Variants in ECT2L observed in about 807,000 individuals in gnomAD.
ECT2L encodes epithelial cell-transforming sequence 2 oncogene-like.
Under a neutral mutation model 122.8 loss-of-function variants are expected in ECT2L, and 126 were observed. The observed-to-expected ratio is 1.03, with a 90% CI of 0.89 to 1.19. The LOEUF is 1.19. ECT2L is among the 50% of genes most tolerant of loss of function. The pLI is 0.00. For synonymous variants in ECT2L, 385 were observed against 381.8 expected, an observed-to-expected ratio of 1.01 and a Z score of -0.10; for missense variants, 1,012 against 1,064.1, an observed-to-expected ratio of 0.95 and a Z score of 0.68.
chr6:138,882,963 C>T, intron 16 of ECT2L, 92 bp downstream of exon 16: 1 of 1,327,492 alleles, frequency 7.5e-7, no homozygotes, highest in Non-Finnish European at 1.0e-6. Flanking sequence ...ATAAGAAAGG[C>T]TTCTCTGCTC....
chr6:138,886,953 A>C, intron 19 of ECT2L, 31 bp downstream of exon 19: 773 of 1,534,198 alleles, frequency 5.0e-4, no homozygotes, highest in Non-Finnish European at 6.5e-4. Context: ...GCTGTATCTC[A>C]TGCTCATGAA....
chr6:138,816,868 A>G (rs554233166), intron 4 of ECT2L, among the ~76,000 whole-genome samples: 1 of 152,322 alleles, frequency 6.6e-6, no homozygotes, highest in South Asian at 2.1e-4. Flanking sequence ...GTACATTCAC[A>G]GAGTTGTGTG....
chr6:138,801,969 C>T (rs181340701), intron 1 of ECT2L, among the ~76,000 whole-genome samples: 4 of 152,288 alleles, frequency 2.6e-5, no homozygotes, highest in East Asian at 1.9e-4. Context: ...TGCTAAACCC[C>T]GGTTCTGATG....
chr6:138,873,170 T>C (rs974214326), intron 13 of ECT2L, among the ~76,000 whole-genome samples: 8 of 152,176 alleles, frequency 5.3e-5, no homozygotes, highest in African/African-American at 1.9e-4. Flanking sequence ...TATTGCTACA[T>C]TGTCTGCCTG....
intron 20 of ECT2L, among the ~76,000 whole-genome samples, chr6:138,898,346 TGAAA>T (rs1168388071): frequency 1.3e-5 from 2 of 152,218 alleles, no homozygotes; most frequent in African/African-American, 4.8e-5. Flanking sequence ...AGAAAATGTT[TGAAA>T]GAAAGAGCTA....
intron 13 of ECT2L, among the ~76,000 whole-genome samples, chr6:138,870,969 G>A (rs1260200955): frequency 6.6e-6 from 1 of 152,116 alleles, no homozygotes; most frequent in African/African-American, 2.4e-5. Flanking sequence ...TTGAACCCGG[G>A]GAGGTTCAGT....
rs181312152 is a variant in ECT2L, at chr6:138,892,346, G to A, written c.2414+3315G>A. On this transcript the variant is annotated intron_variant, in intron 20 of 21. Coordinates refer to ENST00000541398, the MANE Select transcript of ECT2L (RefSeq NM_001077706.3). ...CTTCTTACATTACCTGTCTGTTCTT[G>A]CACGTTGTCTACTTTTTCCATTAAA... Among the ~76,000 whole-genome samples, 3 of 152,110 alleles carry A rather than the reference G, an allele frequency of 2.0e-5. No individual in the cohort carries two copies. The East Asian group carries it at 5.8e-4, about 29-fold the overall frequency.
In ECT2L at chr6:138,813,224, A is replaced by G. The variant is rs1419783018; in HGVS notation, c.-51A>G. 6.9e-7 allele frequency: 1 copy of G among 1,446,782 alleles called. No individual in the cohort carries two copies. Among genetic ancestry groups the G allele is most frequent in the East Asian group, 2.3e-5 (1 of 44,040 alleles). 89.6% of individuals were successfully genotyped at this position (1,446,782 alleles called of 1,614,324 possible). A position where few individuals can be genotyped will look rare whatever the true frequency, so the allele number is the denominator to read the frequency against. On this transcript the variant is annotated 5_prime_UTR_variant, in exon 3 of 22. Coordinates refer to ENST00000541398, the MANE Select transcript of ECT2L (RefSeq NM_001077706.3). ...TAAACCTGTAGTTTCTAGAAGTGGA[A>G]GAAAATTTGCTGAGACGTCAGCTGG...
intron 1 of ECT2L, among the ~76,000 whole-genome samples, chr6:138,800,377 A>C (rs1489157200): frequency 1.3e-5 from 2 of 152,234 alleles, no homozygotes; most frequent in Non-Finnish European, 2.9e-5. Context: ...AAAATGGTTG[A>C]GAGTTTGGTT....
intron 20 of ECT2L, among the ~76,000 whole-genome samples, chr6:138,892,635 A>G (rs748133546): frequency 1.3e-5 from 2 of 152,124 alleles, no homozygotes; most frequent in Non-Finnish European, 2.9e-5. Flanking sequence ...CTGGGATTAC[A>G]GGCACGTGCC....
At chr6:138,844,671 G>A (rs1334373601) in intron 7 of ECT2L, 91 bp downstream of exon 7, 1 of 1,203,612 alleles carries the variant, frequency 8.3e-7, no homozygotes, top group East Asian at 2.5e-5. Flanking sequence ...CAGAAATCTT[G>A]TGTAATTCTG....
In ECT2L at chr6:138,882,843, AC is replaced by A; in HGVS notation, c.2003del (p.Pro668LeufsTer4). ...LNTYTNFFNN[Y>X]PVILKTIEKC... ...ACATATACCAATTTCTTCAACAATTACCCTGTCATTCTGAAAACTATTGAGA... is the reference window on the plus strand; with the variant it reads ...ACATATACCAATTTCTTCAACAATTACCTGTCATTCTGAAAACTATTGAGA... On this transcript the variant is annotated frameshift_variant, in exon 16 of 22. Coordinates refer to ENST00000541398, the MANE Select transcript of ECT2L (RefSeq NM_001077706.3). LOFTEE classifies it high-confidence loss of function. 1 of 1,614,166 alleles carries A rather than the reference AC, an allele frequency of 6.2e-7. No individual in the cohort carries two copies. Among genetic ancestry groups the A allele is most frequent in the Admixed American group, 1.7e-5 (1 of 60,014 alleles).
chr6:138,862,990 T>C (rs1432485557), intron 11 of ECT2L, among the ~76,000 whole-genome samples: 1 of 152,210 alleles, frequency 6.6e-6, no homozygotes, highest in Non-Finnish European at 1.5e-5. Context: ...TTAAGCAAAG[T>C]TGCTGATCTA....
At chr6:138,885,436 C>T in intron 16 of ECT2L, 70 bp from the exon 17 acceptor site, 1 of 1,482,446 alleles carries the variant, frequency 6.7e-7, no homozygotes. Context: ...ATAGATCATG[C>T]TTGCTCAGTG....
intron 8 of ECT2L, among the ~76,000 whole-genome samples, chr6:138,847,585 G>A (rs1196795038): frequency 1.4e-5 from 2 of 146,626 alleles, no homozygotes; most frequent in Non-Finnish European, 3.0e-5. Context: ...AGCCGTGTTA[G>A]CCAGGATGGT....
At chr6:138,897,270 C>T (rs531199931) in intron 20 of ECT2L, among the ~76,000 whole-genome samples, 1 of 152,110 alleles carries the variant, frequency 6.6e-6, no homozygotes, top group East Asian at 1.9e-4. Flanking sequence ...GAAATTACAG[C>T]CATATCTGCA....
intron 1 of ECT2L, among the ~76,000 whole-genome samples, chr6:138,799,410 C>T (rs750212047): frequency 3.3e-5 from 5 of 152,098 alleles, no homozygotes; most frequent in Non-Finnish European, 7.4e-5. Context: ...CCCGCCACCA[C>T]GCCCGGCTTA....
intron 20 of ECT2L, among the ~76,000 whole-genome samples, chr6:138,897,978 G>A (rs1041369117): frequency 1.3e-5 from 2 of 151,946 alleles, no homozygotes; most frequent in Admixed American, 1.3e-4. Flanking sequence ...CTGATAATTC[G>A]GATACAGCAG....
intron 8 of ECT2L, among the ~76,000 whole-genome samples, chr6:138,847,354 A>ATTTTTTTTTTTTTTTTTTTTTTTTTT (rs1562471985): frequency 1.8e-5 from 2 of 111,016 alleles, no homozygotes; most frequent in African/African-American, 8.0e-5. Flanking sequence ...AAAGGCCCAA[A>ATTTTTTTTTTTTTTTTTTTTTTTTTT]CTTTTTTTTT....
Sources: allele counts gnomAD v4.1 joint callset (sites outside exome capture counted in the v4.1 genomes callset), GRCh38; gene constraint gnomAD v4.1.1; transcripts MANE v1.5; gene names NCBI Gene and HGNC (gene_info 2026-07-23, HGNC 2026-07-21).